Variants in SF3B3 observed in about 807,000 individuals in gnomAD.
SF3B3 encodes the protein splicing factor 3b subunit 3, also known as SAP 130.
A neutral mutation model predicts 139.2 loss-of-function variants in SF3B3; 33 were observed. The ratio of observed to expected loss-of-function variants is 0.24; its 90% CI spans 0.18 to 0.32. The LOEUF (loss-of-function observed/expected upper bound fraction) is 0.32. SF3B3 is among the 10% of genes least tolerant of loss of function. The probability of loss-of-function intolerance (pLI) is 1.00; values close to 1 mark genes in which losing one functional copy is unlikely to be tolerated. For synonymous variants in SF3B3, 596 were observed against 563.6 expected (o/e 1.06, Z -0.81); for missense variants, 818 against 1,509.4 (o/e 0.54, Z 7.59).
chr16:70,526,197 G>T (rs966342912), intron 1 of SF3B3, among the ~76,000 whole-genome samples: 1 of 151,590 alleles, frequency 6.6e-6, no homozygotes, highest in Non-Finnish European at 1.5e-5. Flanking sequence ...TCAAGGTCCC[G>T]TGCTTTTTAT....
intron 2 of SF3B3, 140 bp from the exon 3 acceptor site, chr16:70,528,733 T>C: frequency 1.6e-6 from 1 of 622,356 alleles, no homozygotes; most frequent in Admixed American, 3.0e-5. Flanking sequence ...TTCTCCTGCC[T>C]TAGCCTCCCG....
chr16:70,550,560 A>G (rs1393278314), intron 11 of SF3B3: 1 of 551,556 alleles, frequency 1.8e-6, no homozygotes, highest in Non-Finnish European at 2.3e-6. Context: ...TTCTGCCTGC[A>G]CATGCAGCAG....
At chr16:70,545,710 C>T (rs2050261767) in intron 10 of SF3B3, among the ~76,000 whole-genome samples, 1 of 152,140 alleles carries the variant, frequency 6.6e-6, no homozygotes. Context: ...GGCTCTACCA[C>T]TTAATAGCTA....
chr16:70,524,377 C>CT (rs1425565086), intron 1 of SF3B3, among the ~76,000 whole-genome samples: 2 of 152,318 alleles, frequency 1.3e-5, no homozygotes, highest in East Asian at 3.9e-4. Context: ...CTCTGAACCT[C>CT]TATTTTCTCG....
chr16:70,572,754 T>A lies in SF3B3; in HGVS notation c.*941T>A, dbSNP rs1485120333. ...CTGAGAACTGTGTATATGTGGGGCC[T>A]GTCTGCAGCACCCATCTCAGGTGGG... is the stretch of plus-strand genomic sequence containing the variant. On this transcript the variant is annotated 3_prime_UTR_variant, in exon 26 of 26. Transcript: ENST00000302516. 6.6e-6 allele frequency: 1 copy of A among 152,204 alleles called. No individual in the cohort carries two copies. The highest frequency in any genetic ancestry group is 2.4e-5 in the African/African-American group (1 of 41,416). 9.4% of individuals were successfully genotyped at this position (152,204 alleles called of 1,614,324 possible).
Position 70,532,471 on chromosome 16 carries a change from C to A in SF3B3, c.571-8C>A. 6.2e-7 allele frequency: 1 copy of A among 1,612,446 alleles called. No individual in the cohort carries two copies. Among genetic ancestry groups the A allele is most frequent in the South Asian group, 1.1e-5 (1 of 91,018 alleles). ...GATGATTAGTTTTTATGCCACTATT[C>A]TCTGTAGGAAGCAGACAATGATCCA... On this transcript the variant is annotated splice_region_variant and splice_polypyrimidine_tract_variant and intron_variant, in intron 4 of 25. Transcript: ENST00000302516.
At chr16:70,529,817 G>A (rs2050103394) in intron 3 of SF3B3, among the ~76,000 whole-genome samples, 1 of 151,948 alleles carries the variant, frequency 6.6e-6, no homozygotes, top group East Asian at 1.9e-4. Context: ...AGCCGGGCAC[G>A]GTGGCTATTT....
At position 70,529,135 on chromosome 16, in the gene SF3B3, A is replaced by T; in HGVS notation, c.333A>T (p.Gly111=). ...ACCAAGAAACCTTTGGCAAGAGTGGATGCCGTCGCATCGTTCCTGGCCAGT... is the reference window on the plus strand; with the variant it reads ...ACCAAGAAACCTTTGGCAAGAGTGGTTGCCGTCGCATCGTTCCTGGCCAGT... The part of the protein sequence containing the change: ...KIHQETFGKS[G]CRRIVPGQFL... Residue 111 remains glycine (G), a synonymous_variant, in exon 3 of 26, where the codon GGA becomes GGT. Transcript: ENST00000302516. 1 of 1,614,202 alleles carries T rather than the reference A, an allele frequency of 6.2e-7. No individual in the cohort carries two copies. Among genetic ancestry groups the T allele is most frequent in the Non-Finnish European group, 8.5e-7 (1 of 1,180,044 alleles).
chr16:70,549,873 C>T lies in SF3B3; in HGVS notation c.1402+1431C>T, dbSNP rs1307410773. Among the ~76,000 whole-genome samples, 6 of 151,992 alleles carry T rather than the reference C, an allele frequency of 3.9e-5. No individual in the cohort carries two copies. The East Asian group carries it at 7.7e-4, about 20-fold the overall frequency. ...CTGGGAGGCGGAGGTTGCAGTGAGC[C>T]GAGATTGCACCACTGCCCTCCAGCC... is the stretch of plus-strand genomic sequence containing the variant. On this transcript the variant is annotated intron_variant, in intron 11 of 25. Transcript: ENST00000302516.
rs142416916 is a variant in SF3B3 at position 70,536,614 on chromosome 16, C to T, written c.825+1194C>T. Among the ~76,000 whole-genome samples, 100 of 152,024 alleles carry T rather than the reference C, an allele frequency of 6.6e-4. 1 individual carries two copies. Among genetic ancestry groups the T allele is most frequent in the African/African-American group, 1.8e-3 (76 of 41,484 alleles). On this transcript the variant is annotated intron_variant, in intron 6 of 25. Coordinates refer to ENST00000302516, the MANE Select transcript of SF3B3 (RefSeq NM_012426.5). ...GACCTCGTGATCTGCCCGCCTCGGC[C>T]TCCCAAAGTGCTGGGATTACAGGCG... is the stretch of plus-strand genomic sequence containing the variant.
intron 10 of SF3B3, 53 bp downstream of exon 10, chr16:70,544,586 A>G (rs1373422296): frequency 7.8e-6 from 8 of 1,024,862 alleles, no homozygotes; most frequent in Non-Finnish European, 1.2e-5. Context: ...AGCACTGACA[A>G]AGTAGTTTAT....
At chr16:70,558,996 A>AG (rs1023310725) in intron 15 of SF3B3, among the ~76,000 whole-genome samples, 1 of 151,954 alleles carries the variant, frequency 6.6e-6, no homozygotes, top group African/African-American at 2.4e-5. Context: ...TTATTGGGGG[A>AG]GGGGGACAGG....
At chr16:70,552,171 T>G (rs1470963077) in intron 11 of SF3B3, among the ~76,000 whole-genome samples, 1 of 152,206 alleles carries the variant, frequency 6.6e-6, no homozygotes, top group Non-Finnish European at 1.5e-5. Flanking sequence ...GTCTGTCTTT[T>G]GGAAGGTCAC....
chr16:70,529,218 T>C lies in SF3B3; in HGVS notation c.397+19T>C. On this transcript the variant is annotated intron_variant, in intron 3 of 25. Transcript: ENST00000302516. ...ATGATTAGTAAGTGATTTACTCTAC[T>C]TGCTGTATATGCCTAGTTTAGGATA... The C allele has an allele frequency of 6.3e-7, 1 of 1,589,390 alleles. No homozygotes were observed. Among genetic ancestry groups the C allele is most frequent in the Non-Finnish European group, 8.6e-7 (1 of 1,160,000 alleles).
chr16:70,564,244 C>T (rs929706276), intron 18 of SF3B3, among the ~76,000 whole-genome samples, 194 bp downstream of exon 18: 5 of 152,162 alleles, frequency 3.3e-5, no homozygotes, highest in African/African-American at 1.2e-4. Flanking sequence ...TGTTGGTGCA[C>T]TCCTGTAGTC....
At chr16:70,555,823 AT>A (rs1287239446) in intron 13 of SF3B3, among the ~76,000 whole-genome samples, 4 of 152,172 alleles carry the variant, frequency 2.6e-5, no homozygotes, top group Non-Finnish European at 5.9e-5. Flanking sequence ...CTTTAACCAT[AT>A]TTGAATTCCC....
chr16:70,565,845 A>C (rs1191096622), intron 20 of SF3B3: 1 of 237,468 alleles, frequency 4.2e-6, no homozygotes, highest in African/African-American at 2.2e-5. Context: ...GGCTGGGCGC[A>C]GTGGCTCATG....
chr16:70,536,682 G>A (rs910475254), intron 6 of SF3B3, among the ~76,000 whole-genome samples: 5 of 151,444 alleles, frequency 3.3e-5, no homozygotes, highest in Admixed American at 1.3e-4. Flanking sequence ...TAATAGAGAC[G>A]GGGTTTGCCA....
intron 10 of SF3B3, among the ~76,000 whole-genome samples, chr16:70,548,162 G>A (rs575321406): frequency 6.6e-6 from 1 of 152,330 alleles, no homozygotes; most frequent in South Asian, 2.1e-4. Flanking sequence ...CAGACATCCT[G>A]TAACTTTTGC....
Sources: allele counts gnomAD v4.1 joint callset (sites outside exome capture counted in the v4.1 genomes callset), GRCh38; gene constraint gnomAD v4.1.1; transcripts MANE v1.5; gene names NCBI Gene and HGNC (gene_info 2026-07-23, HGNC 2026-07-21).